VCAN: variants seen among roughly 807,000 people sequenced by gnomAD.
The protein encoded by VCAN is versican core protein.
Under a neutral mutation model 245.5 loss-of-function variants are expected in VCAN, and 44 were observed. The observed-to-expected ratio is 0.18, with a 90% CI of 0.14 to 0.23. The LOEUF (loss-of-function observed/expected upper bound fraction) is 0.23. Ranked by LOEUF, VCAN falls within the 10% of genes least tolerant of loss-of-function variation. The pLI, the probability that VCAN is intolerant of heterozygous loss-of-function variation, is 1.00. For missense variants in VCAN, 3,793 were observed against 4,057.9 expected, an observed-to-expected ratio of 0.93 and a Z score of 1.77; for synonymous variants, 1,413 against 1,437.0, an observed-to-expected ratio of 0.98 and a Z score of 0.38.
chr5:83,556,810 T>C (rs1328127206), intron 12 of VCAN, among the ~76,000 whole-genome samples: 2 of 152,204 alleles, frequency 1.3e-5, no homozygotes, highest in African/African-American at 4.8e-5. Flanking sequence ...ATTGTTTCTA[T>C]ATATTATAAG....
At chr5:83,486,560 T>C (rs1287522734) in intron 2 of VCAN, among the ~76,000 whole-genome samples, 1 of 152,012 alleles carries the variant, frequency 6.6e-6, no homozygotes, top group Non-Finnish European at 1.5e-5. Context: ...AGGGGAGTGG[T>C]ATTTGGATGG....
At chr5:83,542,357 T>C in intron 8 of VCAN, 89 bp downstream of exon 8, 1 of 1,376,932 alleles carries the variant, frequency 7.3e-7, no homozygotes, top group Non-Finnish European at 1.0e-6. Flanking sequence ...TTTATTGTGA[T>C]GTTAAATCAA....
At chr5:83,569,949 T>C (rs1748226676) in intron 12 of VCAN, among the ~76,000 whole-genome samples, 1 of 152,014 alleles carries the variant, frequency 6.6e-6, no homozygotes, top group Admixed American at 6.6e-5. Context: ...CTCTGAAATG[T>C]TGATTATCTA....
chr5:83,556,132 G>A (rs542403923), intron 12 of VCAN, among the ~76,000 whole-genome samples: 1 of 152,286 alleles, frequency 6.6e-6, no homozygotes, highest in East Asian at 1.9e-4. Context: ...CTATGTGCCA[G>A]CCACTGTATT....
intron 3 of VCAN, among the ~76,000 whole-genome samples, chr5:83,491,969 T>C (rs1215550144): frequency 2.0e-5 from 3 of 152,194 alleles, no homozygotes; most frequent in African/African-American, 4.8e-5. Flanking sequence ...GATAGCACCA[T>C]ATATATTTTC....
chr5:83,479,800 G>A (rs1455562645), intron 1 of VCAN, among the ~76,000 whole-genome samples: 2 of 152,362 alleles, frequency 1.3e-5, no homozygotes, highest in East Asian at 3.9e-4. Context: ...CTCCAAAGAA[G>A]AGGGAATGGA....
rs371833484 is a variant in VCAN, at chr5:83,520,995, T to C, written c.2689T>C (p.Leu897=). 6 of 1,613,798 alleles carry C rather than the reference T, an allele frequency of 3.7e-6. No homozygotes were observed. In the African/African-American group the frequency reaches 4.0e-5, roughly 11 times the overall value. The change falls in exon 7 of 15, where the codon TTG becomes CTG. Residue 897 remains leucine (L), a synonymous_variant. Coordinates refer to ENST00000265077, the MANE Select transcript of VCAN (RefSeq NM_004385.5). ...TSTGIAEKST[L]RDSTTEEKVP... ...AACTGGTATTGCAGAAAAGTCAACT[T>C]TGAGAGATTCTACAACTGAAGAAAA...
chr5:83,519,297 C>G, intron 6 of VCAN, 52 bp from the exon 7 acceptor site: 1 of 1,596,278 alleles, frequency 6.3e-7, no homozygotes, highest in Non-Finnish European at 8.6e-7. Context: ...ACTGGGCATA[C>G]AAGTTTTTAT....
At chr5:83,506,484 C>T (rs547865016) in intron 5 of VCAN, among the ~76,000 whole-genome samples, 2 of 151,586 alleles carry the variant, frequency 1.3e-5, no homozygotes, top group East Asian at 2.0e-4. Flanking sequence ...AGTCCTTCAT[C>T]TCCATCTGAG....
At chr5:83,514,235 G>T (rs1245019556) in intron 6 of VCAN, among the ~76,000 whole-genome samples, 1 of 151,590 alleles carries the variant, frequency 6.6e-6, no homozygotes, top group Non-Finnish European at 1.5e-5. Context: ...TCATTATTTT[G>T]CTTTCCTTCC....
chr5:83,530,625 T>G (rs1403185849), intron 7 of VCAN, among the ~76,000 whole-genome samples: 2 of 152,170 alleles, frequency 1.3e-5, no homozygotes, highest in African/African-American at 4.8e-5. Flanking sequence ...TTTTTGTCAC[T>G]TTAGAAAATG....
intron 7 of VCAN, among the ~76,000 whole-genome samples, chr5:83,533,485 T>C (rs145874417): frequency 6.6e-6 from 1 of 151,976 alleles, no homozygotes; most frequent in East Asian, 1.9e-4. Context: ...GACAAGAGAG[T>C]GTTTGCCCTA....
intron 8 of VCAN, 44 bp downstream of exon 8, chr5:83,542,312 A>G (rs372475829): frequency 9.5e-6 from 15 of 1,583,020 alleles, no homozygotes; most frequent in Non-Finnish European, 1.3e-5. Flanking sequence ...ACCTGGAAAC[A>G]GTCCCTTGGT....
At position 83,521,297 on chromosome 5, in the gene VCAN, A is replaced by G; in HGVS notation, c.2991A>G (p.Leu997=). ...VPSVPSEDEV[L]GEPSQDILVI... ...CTGTTCCATCAGAAGATGAAGTTCT[A>G]GGTGAACCCTCTCAAGACATACTTG... Residue 997 remains leucine, a synonymous_variant, in exon 7 of 15, where the codon CTA becomes CTG. Coordinates refer to ENST00000265077, the MANE Select transcript of VCAN (RefSeq NM_004385.5). The G allele has an allele frequency of 6.2e-7, 1 of 1,614,112 alleles. No homozygotes were observed. The highest frequency in any genetic ancestry group is 8.5e-7 in the Non-Finnish European group (1 of 1,179,940).
chr5:83,476,087 T>C (rs897699636), intron 1 of VCAN, among the ~76,000 whole-genome samples: 1 of 152,188 alleles, frequency 6.6e-6, no homozygotes, highest in Non-Finnish European at 1.5e-5. Context: ...AAACCAAAGG[T>C]GACCATGATT....
chr5:83,502,683 A>T (rs1416820824), intron 5 of VCAN, among the ~76,000 whole-genome samples: 1 of 152,240 alleles, frequency 6.6e-6, no homozygotes, highest in Admixed American at 6.5e-5. Context: ...GCAAATATGC[A>T]GATGCATTTT....
At chr5:83,533,972 A>G (rs1746613703) in intron 7 of VCAN, 1 of 152,172 alleles carries the variant, frequency 6.6e-6, no homozygotes, top group Non-Finnish European at 1.5e-5. Context: ...CTAAATTATT[A>G]TACAGTACTG....
chr5:83,520,155 T>A lies in VCAN; in HGVS notation c.1849T>A (p.Ser617Thr). 3 of 1,614,056 alleles carry A rather than the reference T, an allele frequency of 1.9e-6. No individual in the cohort carries two copies. The highest frequency in any genetic ancestry group is 1.7e-6 in the Non-Finnish European group (2 of 1,179,976). The change falls in exon 7 of 15, where the codon TCA becomes ACA. Residue 617 changes from serine (S) to threonine (T), a missense_variant. Coordinates refer to ENST00000265077, the MANE Select transcript of VCAN (RefSeq NM_004385.5). ...SPLIMPDNNG[S>T]SMDDWEERQT... is the part of the protein sequence containing the mutation. ...TTTAATTATGCCTGATAATAATGGATCATCCATGGATGACTGGGAAGAGAG... is the reference window on the plus strand; with the variant it reads ...TTTAATTATGCCTGATAATAATGGAACATCCATGGATGACTGGGAAGAGAG...
intron 7 of VCAN, 46 bp downstream of exon 7, chr5:83,522,355 T>C (rs926869877): frequency 1.3e-6 from 2 of 1,590,840 alleles, no homozygotes; most frequent in Non-Finnish European, 1.7e-6. Context: ...ATCCTCATTT[T>C]ATCTTGAAAG....
Sources: allele counts gnomAD v4.1 joint callset (sites outside exome capture counted in the v4.1 genomes callset), GRCh38; gene constraint gnomAD v4.1.1; transcripts MANE v1.5; gene names NCBI Gene and HGNC (gene_info 2026-07-23, HGNC 2026-07-21).